UBE2J2: variants seen among roughly 807,000 people sequenced by gnomAD.
UBE2J2 encodes ubiquitin-conjugating enzyme E2 J2.
Under a neutral mutation model 28.6 loss-of-function variants are expected in UBE2J2, and 5 were observed. The observed-to-expected ratio is 0.17, with a 90% confidence interval of 0.09 to 0.37. The LOEUF is 0.37. Ranked by LOEUF, UBE2J2 falls within the 10% of genes least tolerant of loss-of-function variation. The pLI, the probability that UBE2J2 is intolerant of heterozygous loss-of-function variation, is 1.00. For synonymous variants in UBE2J2, 138 were observed against 139.7 expected (o/e 0.99, Z 0.09); for missense variants, 226 against 338.9 (o/e 0.67, Z 2.62).
At chr1:1,262,396 C>A (rs1349820625) in intron 3 of UBE2J2, 2 of 451,436 alleles carry the variant, frequency 4.4e-6, no homozygotes, top group Non-Finnish European at 8.9e-6. Context: ...GATTCCTGGG[C>A]CAAAGGAGAG....
In UBE2J2 at chr1:1,255,506, G is replaced by A; in HGVS notation, c.496-19C>T. Reference sequence around the variant, plus strand: ...TAATCTCCTAAGAGAAAAACAGCGAGAAAAGCAGCTGGTCTCCAACCAGCG... The same window carrying A: ...TAATCTCCTAAGAGAAAAACAGCGAAAAAAGCAGCTGGTCTCCAACCAGCG... On this transcript the variant is annotated intron_variant, in intron 6 of 6. Coordinates refer to ENST00000349431, the MANE Select transcript of UBE2J2 (RefSeq NM_058167.3). 6.3e-7 allele frequency: 1 copy of A among 1,597,094 alleles called. No individual in the cohort carries two copies. The highest frequency in any genetic ancestry group is 1.1e-5 in the South Asian group (1 of 89,912).
chr1:1,256,185 A>C, intron 5 of UBE2J2, 60 bp from the exon 6 acceptor site: 1 of 1,290,712 alleles, frequency 7.7e-7, no homozygotes. Flanking sequence ...CAAGATTCTA[A>C]AAACAGATGA....
At chr1:1,262,215 T>A in intron 3 of UBE2J2, 1 of 418,756 alleles carries the variant, frequency 2.4e-6, no homozygotes, top group South Asian at 1.7e-5. Flanking sequence ...CACACACGCA[T>A]CGTAACAAGT....
Position 1,255,233 on chromosome 1 carries a change from C to G in UBE2J2, c.750G>C (p.Lys250Asn), listed in dbSNP as rs1435429087. 1 of 1,610,896 alleles carries G rather than the reference C, an allele frequency of 6.2e-7. No homozygotes were observed. The highest frequency in any genetic ancestry group is 8.5e-7 in the Non-Finnish European group (1 of 1,178,084). The change falls in exon 7 of 7, where the codon AAG becomes AAC. Residue 250 changes from lysine to asparagine, a missense_variant. Around this residue, in one of 3 missense-constraint regions of UBE2J2, gnomAD observed 133 missense variants for 161.5 expected, o/e 0.82. Transcript: ENST00000349431. ...VGFAAFAYTV[K>N]YVLRSIAQE ...CCTGCGCGATGCTCCTCAGCACGTACTTGACCGTGTAAGCAAAGGCTGCAA... is the reference window on the plus strand; with the variant it reads ...CCTGCGCGATGCTCCTCAGCACGTAGTTGACCGTGTAAGCAAAGGCTGCAA...
rs542676887 is a variant in UBE2J2, at chr1:1,263,628, G to A, written c.132-242C>T. ...CTATACTTTATAAGTTTACCATAAAGTACCTTTGTTTCGACAATATAACAT... is the reference window on the plus strand; with the variant it reads ...CTATACTTTATAAGTTTACCATAAAATACCTTTGTTTCGACAATATAACAT... On this transcript the variant is annotated intron_variant, in intron 2 of 6. Coordinates refer to ENST00000349431, the MANE Select transcript of UBE2J2 (RefSeq NM_058167.3). The A allele has an allele frequency of 9.0e-4, 377 of 420,732 alleles. 6 individuals are homozygous for A. In the South Asian group the frequency reaches 0.013, roughly 14 times the overall value. 26.1% of individuals were successfully genotyped at this position (420,732 alleles called of 1,614,324 possible).
chr1:1,260,371 T>C (rs1299205900), intron 3 of UBE2J2, among the ~76,000 whole-genome samples: 2 of 152,212 alleles, frequency 1.3e-5, no homozygotes, highest in African/African-American at 4.8e-5. Flanking sequence ...AAGAGTGACT[T>C]ACACGGCAGG....
intron 6 of UBE2J2, among the ~76,000 whole-genome samples, chr1:1,255,807 C>T (rs765023799): frequency 2.0e-5 from 3 of 152,210 alleles, no homozygotes; most frequent in African/African-American, 2.4e-5. Flanking sequence ...CTGCTCAGAA[C>T]CACGAGCTCC....
intron 3 of UBE2J2, 97 bp from the exon 4 acceptor site, chr1:1,257,407 C>CCGG: frequency 1.8e-6 from 1 of 554,638 alleles, no homozygotes; most frequent in African/African-American, 5.7e-5. Context: ...CCCCCCCCCC[C>CCGG]CTCAGCTCGG....
intron 3 of UBE2J2, among the ~76,000 whole-genome samples, chr1:1,261,424 G>A (rs535714223): frequency 3.9e-5 from 6 of 152,310 alleles, no homozygotes; most frequent in South Asian, 4.1e-4. Context: ...GGCAACGGCC[G>A]CACCACACCC....
chr1:1,255,002 G>C lies in UBE2J2; in HGVS notation c.*201C>G, dbSNP rs1046521503. On this transcript the variant is annotated 3_prime_UTR_variant, in exon 7 of 7. Coordinates refer to ENST00000349431, the MANE Select transcript of UBE2J2 (RefSeq NM_058167.3). ...CCACCCACACCAGCCCCAGCGGCCC[G>C]TGGCCAGGACAGGGCTGAGGCTCCA... The C allele has an allele frequency of 7.4e-6, 4 of 540,810 alleles. No homozygotes were observed. Among genetic ancestry groups the C allele is most frequent in the Non-Finnish European group, 1.3e-5 (4 of 316,040 alleles). The allele number at this position is 540,810 out of a possible 1,614,324, so 33.5% of individuals were successfully genotyped here. A position where few individuals can be genotyped will look rare whatever the true frequency, so the allele number is the denominator to read the frequency against.
chr1:1,266,138 T>C (rs527824413), intron 2 of UBE2J2: 1 of 1,303,944 alleles, frequency 7.7e-7, no homozygotes, highest in Admixed American at 2.3e-5. Context: ...TTTTCAACAC[T>C]GGGGGCAGAG....
chr1:1,260,182 TGGCGTGCGGCC>T (rs1370887960), intron 3 of UBE2J2, among the ~76,000 whole-genome samples: 1 of 152,202 alleles, frequency 6.6e-6, no homozygotes, highest in Non-Finnish European at 1.5e-5. Flanking sequence ...TCACCCATCC[TGGCGTGCGGCC>T]ACATCCACCA....
In UBE2J2 at chr1:1,268,870, TCTCA is replaced by T. The variant is rs887042462; in HGVS notation, c.1-882_1-879del. ...TTTTTTTTTTTTTGTAGAGCTGGGA[TCTCA>T]CTATGTTGCCCAAGGTGGTCTCAAA... On this transcript the variant is annotated intron_variant, in intron 1 of 6. Coordinates refer to ENST00000349431, the MANE Select transcript of UBE2J2 (RefSeq NM_058167.3). The surrounding 1 kb of genome is among the most constrained non-coding windows in gnomAD (Gnocchi z 4.7). Among the ~76,000 whole-genome samples the T allele has an allele frequency of 2.0e-5, 3 of 151,586 alleles. No homozygotes were observed. Among genetic ancestry groups the T allele is most frequent in the African/African-American group, 7.3e-5 (3 of 41,230 alleles).
Position 1,254,203 on chromosome 1 carries a change from A to C in UBE2J2, c.*1000T>G, listed in dbSNP as rs1233103147. ...AGACCCGGGGAGCCACGCGGCCCGA[A>C]ACAGCCCCTGCTGGCTCTGGCGTCT... On this transcript the variant is annotated 3_prime_UTR_variant, in exon 7 of 7. Coordinates refer to ENST00000349431, the MANE Select transcript of UBE2J2 (RefSeq NM_058167.3). The C allele has an allele frequency of 1.3e-5, 2 of 152,184 alleles. No individual in the cohort carries two copies. The highest frequency in any genetic ancestry group is 2.9e-5 in the Non-Finnish European group (2 of 68,026). The allele number at this position is 152,184 out of a possible 1,614,324, so 9.4% of individuals were successfully genotyped here. A position where few individuals can be genotyped will look rare whatever the true frequency, so the allele number is the denominator to read the frequency against.
At chr1:1,256,160 T>C (rs1490494927) in intron 5 of UBE2J2, 35 bp from the exon 6 acceptor site, 4 of 1,452,434 alleles carry the variant, frequency 2.8e-6, no homozygotes, top group Non-Finnish European at 3.9e-6. Context: ...GCCAGAAAAC[T>C]AATTTCAATT....
At chr1:1,267,821 G>C (rs746424662) in intron 2 of UBE2J2, 41 bp downstream of exon 2, 2 of 1,601,900 alleles carry the variant, frequency 1.2e-6, no homozygotes, top group Non-Finnish European at 1.7e-6. Context: ...CTGCGTGGCA[G>C]CGACAGTCAG....
intron 4 of UBE2J2, 27 bp downstream of exon 4, chr1:1,257,181 C>G (rs370757355): frequency 3.7e-6 from 6 of 1,601,734 alleles, no homozygotes; most frequent in Non-Finnish European, 5.1e-6. Context: ...AGCCAGAAAG[C>G]CTCCGCGGCC....
At position 1,268,430 on chromosome 1, in the gene UBE2J2, G is replaced by A. The variant is rs900905220; in HGVS notation, c.1-438C>T. ...ATAGAAGTGGGCAGGCACCACCGCC[G>A]GCCCCTTCACCGCACCCGGAAGCCC... is the stretch of plus-strand genomic sequence containing the variant. On this transcript the variant is annotated intron_variant, in intron 1 of 6. Transcript: ENST00000349431. The surrounding 1 kb of genome is among the most constrained non-coding windows in gnomAD (Gnocchi z 4.7). 6.6e-6 allele frequency among the ~76,000 whole-genome samples: 1 copy of A among 152,140 alleles called. No individual in the cohort carries two copies. The highest frequency in any genetic ancestry group is 1.5e-5 in the Non-Finnish European group (1 of 68,030).
At chr1:1,255,999 G>C (rs780570939) in intron 6 of UBE2J2, 46 bp downstream of exon 6, 3 of 1,309,542 alleles carry the variant, frequency 2.3e-6, no homozygotes, top group East Asian at 2.3e-5. Context: ...TGAAACTCAA[G>C]TGTTTTAACG....
Sources: allele counts gnomAD v4.1 joint callset (sites outside exome capture counted in the v4.1 genomes callset), GRCh38; gene constraint gnomAD v4.1.1; regional missense constraint gnomAD v4.1.1; non-coding constraint Gnocchi (gnomAD v3.1); transcripts MANE v1.5; gene names NCBI Gene and HGNC (gene_info 2026-07-23, HGNC 2026-07-21).